The following C10orf67 variants were observed in gnomAD, a reference collection of about 807,000 sequenced individuals.
C10orf67 encodes the protein chromosome 10 open reading frame 67.
A neutral mutation model predicts 35.6 loss-of-function variants in C10orf67; 60 were observed. The ratio of observed to expected loss-of-function variants is 1.68; its 90% CI spans 1.37 to 2.09. The LOEUF (loss-of-function observed/expected upper bound fraction) is 2.09, where lower values mean the gene tolerates loss of function less well. Among genes scored for constraint, C10orf67 ranks in the 30% most tolerant of loss-of-function variants. The pLI is 0.00. For synonymous variants in C10orf67, 167 were observed against 115.8 expected, an observed-to-expected ratio of 1.44 and a Z score of -2.84; for missense variants, 474 against 330.2, an observed-to-expected ratio of 1.44 and a Z score of -3.38.
chr10:23,221,678 G>C lies in C10orf67; in HGVS notation c.1570+1920C>G, dbSNP rs11013332. ...CCCTTTAAATGTCCAGCCTGAATGC[G>C]TGAAATGCAAGGCATTACCACCAAA... On this transcript the variant is annotated intron_variant, in intron 15 of 15. Coordinates refer to ENST00000636213, the MANE Select transcript of C10orf67 (RefSeq NM_001371909.1). Among the ~76,000 whole-genome samples, 1,338 of 152,302 alleles carry C rather than the reference G, an allele frequency of 8.8e-3. 23 individuals are homozygous for C. Among genetic ancestry groups the C allele is most frequent in the African/African-American group, 0.029 (1,225 of 41,564 alleles).
At chr10:23,257,798 GTT>G (rs144725163) in intron 10 of C10orf67, among the ~76,000 whole-genome samples, 15 of 145,000 alleles carry the variant, frequency 1.0e-4, no homozygotes, top group South Asian at 2.2e-4. Flanking sequence ...GTCAGACTCT[GTT>G]TTTTTTTTTT....
intron 13 of C10orf67, among the ~76,000 whole-genome samples, chr10:23,233,634 A>G (rs1408116657): frequency 6.6e-6 from 1 of 152,248 alleles, no homozygotes; most frequent in Non-Finnish European, 1.5e-5. Context: ...AAAGAATAAC[A>G]TAATCATGAT....
At chr10:23,329,575 T>G (rs114449897) in intron 2 of C10orf67, among the ~76,000 whole-genome samples, 3,239 of 151,616 alleles carry the variant, frequency 0.021, 47 homozygotes, top group Middle Eastern at 0.086. Flanking sequence ...TGAACAACAA[T>G]AGTGTAAGAA....
intron 15 of C10orf67, among the ~76,000 whole-genome samples, chr10:23,210,070 G>C (rs1841264926): frequency 6.6e-6 from 1 of 151,014 alleles, no homozygotes; most frequent in Non-Finnish European, 1.5e-5. Flanking sequence ...GTGAGGTCAA[G>C]TGAGATGAGG....
At chr10:23,240,819 C>A (rs1264121830) in intron 12 of C10orf67, among the ~76,000 whole-genome samples, 2 of 152,196 alleles carry the variant, frequency 1.3e-5, no homozygotes, top group African/African-American at 4.8e-5. Context: ...AGCCTCCCAT[C>A]TAATGAAGTG....
chr10:23,246,845 G>C lies in C10orf67; in HGVS notation c.1346+3610C>G, dbSNP rs58625579. Among the ~76,000 whole-genome samples the C allele has an allele frequency of 3.0e-3, 459 of 152,268 alleles. 14 individuals carry two copies. The East Asian group carries it at 0.049, about 16-fold the overall frequency. On this transcript the variant is annotated intron_variant, in intron 12 of 15. Coordinates refer to ENST00000636213, the MANE Select transcript of C10orf67 (RefSeq NM_001371909.1). ...GAAAAAATTATATAAGTATGTTTGA[G>C]ACAGGGTCTCACTCTGTCACCCAGG... is the stretch of plus-strand genomic sequence containing the variant.
At chr10:23,259,265 T>A (rs1318129055) in intron 10 of C10orf67, among the ~76,000 whole-genome samples, 1 of 152,214 alleles carries the variant, frequency 6.6e-6, no homozygotes, top group Non-Finnish European at 1.5e-5. Context: ...ATTCTGTATA[T>A]CATGCCTTTA....
intron 2 of C10orf67, among the ~76,000 whole-genome samples, chr10:23,329,265 C>T (rs1280458731): frequency 1.3e-5 from 2 of 151,772 alleles, no homozygotes; most frequent in Admixed American, 1.3e-4. Context: ...AATATAACTA[C>T]AGATACAATA....
intron 12 of C10orf67, among the ~76,000 whole-genome samples, chr10:23,250,019 A>G (rs1842406824): frequency 6.6e-6 from 1 of 152,216 alleles, no homozygotes; most frequent in Non-Finnish European, 1.5e-5. Flanking sequence ...TGCTTATGTG[A>G]GTGAAAAATA....
At chr10:23,322,114 G>A (rs900745266) in intron 3 of C10orf67, among the ~76,000 whole-genome samples, 3 of 152,178 alleles carry the variant, frequency 2.0e-5, no homozygotes, top group African/African-American at 7.2e-5. Context: ...CCTTGAACAA[G>A]TTAATTAGCC....
chr10:23,324,185 A>G (rs1230860438), intron 2 of C10orf67, among the ~76,000 whole-genome samples: 2 of 151,314 alleles, frequency 1.3e-5, no homozygotes, highest in Non-Finnish European at 2.9e-5. Context: ...ACAGGACAGG[A>G]GAACTAACTC....
At chr10:23,260,208 C>T (rs979042287) in intron 10 of C10orf67, among the ~76,000 whole-genome samples, 2 of 152,016 alleles carry the variant, frequency 1.3e-5, no homozygotes, top group African/African-American at 2.4e-5. Flanking sequence ...TTATCAGGAA[C>T]TATGCAAGCC....
At chr10:23,314,693 T>TA (rs1202126517) in intron 4 of C10orf67, among the ~76,000 whole-genome samples, 2 of 151,940 alleles carry the variant, frequency 1.3e-5, no homozygotes, top group Non-Finnish European at 2.9e-5. Flanking sequence ...AAAAATCCAC[T>TA]TTTTTTTCAG....
chr10:23,230,254 T>G (rs1841871710), intron 13 of C10orf67, among the ~76,000 whole-genome samples: 1 of 152,128 alleles, frequency 6.6e-6, no homozygotes, highest in African/African-American at 2.4e-5. Flanking sequence ...AGATGGTTAT[T>G]TATAATAAAA....
At chr10:23,330,112 A>G (rs1376007977) in intron 2 of C10orf67, among the ~76,000 whole-genome samples, 5 of 152,198 alleles carry the variant, frequency 3.3e-5, no homozygotes, top group African/African-American at 1.2e-4. Flanking sequence ...ATAGAAGAAG[A>G]CATCCTTAAT....
At position 23,333,108 on chromosome 10, in the gene C10orf67, A is replaced by G. The variant is rs760523963; in HGVS notation, c.281T>C (p.Ile94Thr). Residue 94 changes from isoleucine (I) to threonine (T), a missense_variant, in exon 2 of 16, where the codon ATA becomes ACA. Transcript: ENST00000636213. ...TGAACTCAATTCTTTTACTGACAGTATTTCACTGGAATCAGTTTGAGTGGC... is the reference window on the plus strand; with the variant it reads ...TGAACTCAATTCTTTTACTGACAGTGTTTCACTGGAATCAGTTTGAGTGGC... ...DHATQTDSSE[I>T]LSVKELSSST... 2.5e-6 allele frequency: 4 copies of G among 1,611,234 alleles called. No homozygotes were observed. The highest frequency in any genetic ancestry group is 2.5e-6 in the Non-Finnish European group (3 of 1,177,870).
intron 2 of C10orf67, among the ~76,000 whole-genome samples, chr10:23,328,953 C>G (rs1206482561): frequency 1.4e-5 from 2 of 143,234 alleles, no homozygotes; most frequent in Non-Finnish European, 3.0e-5. Flanking sequence ...CCACTACACT[C>G]CAGCCTGGGC....
intron 12 of C10orf67, among the ~76,000 whole-genome samples, chr10:23,247,974 A>G (rs1348327358): frequency 2.0e-5 from 3 of 152,172 alleles, no homozygotes; most frequent in Non-Finnish European, 4.4e-5. Context: ...GGACTATATG[A>G]GCAGAGTGGG....
At chr10:23,344,166 G>A in intron 1 of C10orf67, 1 of 139,642 alleles carries the variant, frequency 7.2e-6, no homozygotes, top group South Asian at 1.1e-4. Flanking sequence ...GGAACGGGGT[G>A]GGGAGGGGAA....
Sources: allele counts gnomAD v4.1 joint callset (sites outside exome capture counted in the v4.1 genomes callset), GRCh38; gene constraint gnomAD v4.1.1; transcripts MANE v1.5; gene names NCBI Gene and HGNC (gene_info 2026-07-23, HGNC 2026-07-21).